Variants in SLC39A13 observed in about 807,000 individuals in gnomAD.
SLC39A13 encodes solute carrier family 39 member 13.
Under a neutral mutation model 38.7 loss-of-function variants are expected in SLC39A13, and 18 were observed. The ratio of observed to expected loss-of-function variants is 0.47; its 90% CI spans 0.32 to 0.69. The LOEUF is 0.69. Among genes scored for constraint, SLC39A13 ranks in the 30% least tolerant of loss-of-function variants. SLC39A13 has a pLI of 0.03. For missense variants in SLC39A13, 395 were observed against 490.7 expected (o/e 0.80, Z 1.84); for synonymous variants, 212 against 219.1 (o/e 0.97, Z 0.29).
chr11:47,410,491 T>C, intron 2 of SLC39A13, 96 bp downstream of exon 2: 4 of 1,456,354 alleles, frequency 2.7e-6, no homozygotes, highest in South Asian at 2.3e-5. Context: ...GTGTCTGAGA[T>C]GGAGGGAGAG....
Position 47,415,384 on chromosome 11 carries a change from C to G in SLC39A13, c.*21C>G. 1 of 1,612,798 alleles carries G rather than the reference C, an allele frequency of 6.2e-7. No homozygotes were observed. Among genetic ancestry groups the G allele is most frequent in the Non-Finnish European group, 8.5e-7 (1 of 1,179,188 alleles). On this transcript the variant is annotated 3_prime_UTR_variant, in exon 10 of 10. Transcript: ENST00000362021. Reference sequence around the variant, plus strand: ...ATTAACTTTCCCTGATGCCGACGCCCCTGCCCCCTGCAGCAATAAGATGCT... The same window carrying G: ...ATTAACTTTCCCTGATGCCGACGCCGCTGCCCCCTGCAGCAATAAGATGCT...
At position 47,413,509 on chromosome 11, in the gene SLC39A13, T is replaced by C; in HGVS notation, c.645+2T>C. 1.2e-6 allele frequency: 2 copies of C among 1,614,024 alleles called. No homozygotes were observed. The highest frequency in any genetic ancestry group is 1.7e-6 in the Non-Finnish European group (2 of 1,179,980). On this transcript the variant is annotated splice_donor_variant, in intron 5 of 9. Coordinates refer to ENST00000362021, the MANE Select transcript of SLC39A13 (RefSeq NM_001128225.3). LOFTEE classifies it high-confidence loss of function. ...GGTGCCGTGGTCCGGAGCATCAAAG[T>C]GAGTGGCCTGCTCAGGGCCCCTGCA...
intron 6 of SLC39A13, 58 bp downstream of exon 6, chr11:47,413,744 C>T (rs757039895): frequency 1.3e-6 from 2 of 1,567,886 alleles, no homozygotes; most frequent in African/African-American, 2.7e-5. Context: ...ATGTGGATTC[C>T]ACCTGTGTCT....
intron 4 of SLC39A13, 54 bp from the exon 5 acceptor site, chr11:47,413,346 C>CACAT (rs1327760021): frequency 1.3e-6 from 2 of 1,563,432 alleles, no homozygotes; most frequent in Admixed American, 1.7e-5. Context: ...TCTGTCTGCC[C>CACAT]TGGCTGAGTG....
rs755554 is a variant in SLC39A13, at chr11:47,410,483, G to C, written c.301+88G>C. ...CTTAGGAGACCCCAGGTCACAGAGTGTCTGAGATGGAGGGAGAGGATAGAA... is the reference window on the plus strand; with the variant it reads ...CTTAGGAGACCCCAGGTCACAGAGTCTCTGAGATGGAGGGAGAGGATAGAA... On this transcript the variant is annotated intron_variant, in intron 2 of 9. Coordinates refer to ENST00000362021, the MANE Select transcript of SLC39A13 (RefSeq NM_001128225.3). 0.67 allele frequency: 1,010,552 copies of C among 1,497,978 alleles called. 341,711 individuals are homozygous for C. The highest frequency in any genetic ancestry group is 0.72 in the South Asian group (63,469 of 88,570). The allele number at this position is 1,497,978 out of a possible 1,614,324, so 92.8% of individuals were successfully genotyped here. A position where few individuals can be genotyped will look rare whatever the true frequency, so the allele number is the denominator to read the frequency against.
chr11:47,409,829 A>C, intron 1 of SLC39A13: 2 of 450,714 alleles, frequency 4.4e-6, no homozygotes, highest in Admixed American at 3.8e-5. Flanking sequence ...TCATTAGGGA[A>C]AGTTTAGCCT....
rs200688736 is a variant in SLC39A13 at position 47,413,434 on chromosome 11, C to T, written c.572C>T (p.Ala191Val). ...AAAGACCCCACTGCTGCTGCCGCCGCGCTCAATGGAGGCCACTGTCTGGCC... is the reference window on the plus strand; with the variant it reads ...AAAGACCCCACTGCTGCTGCCGCCGTGCTCAATGGAGGCCACTGTCTGGCC... ...PNKDPTAAAA[A>V]LNGGHCLAQP... is the part of the protein sequence containing the mutation. The change falls in exon 5 of 10, where the codon GCG (alanine) becomes GTG (valine). Residue 191 changes from alanine to valine, a missense_variant. Ala to Val is a moderately conservative substitution (Grantham distance 64, BLOSUM62 0). Coordinates refer to ENST00000362021, the MANE Select transcript of SLC39A13 (RefSeq NM_001128225.3). 31 of 1,614,028 alleles carry T rather than the reference C, an allele frequency of 1.9e-5. No individual in the cohort carries two copies. The highest frequency in any genetic ancestry group is 1.6e-4 in the South Asian group (15 of 91,094).
chr11:47,411,851 T>C, intron 2 of SLC39A13, 75 bp from the exon 3 acceptor site: 1 of 1,423,688 alleles, frequency 7.0e-7, no homozygotes, highest in Non-Finnish European at 9.7e-7. Context: ...AAGAGCCCAG[T>C]GAGTGGGGTG....
At position 47,410,173 on chromosome 11, in the gene SLC39A13, T is replaced by C. The variant is rs541788508; in HGVS notation, c.79T>C (p.Leu27=). The C allele has an allele frequency of 6.2e-7, 1 of 1,613,554 alleles. No homozygotes were observed. Among genetic ancestry groups the C allele is most frequent in the African/African-American group, 1.3e-5 (1 of 75,046 alleles). The change falls in exon 2 of 10, where the codon TTG becomes CTG. Residue 27 remains leucine, a synonymous_variant. Transcript: ENST00000362021. The stretch of plus-strand genomic sequence containing the variant: ...CCTCACTGCCCTTGCCCTGGAGCTC[T>C]TGGAAAGGGCTGGGGGTTCCCAGCC... ...LFLTALALEL[L]ERAGGSQPAL... is the part of the protein sequence containing the mutation.
chr11:47,408,336 C>G (rs546045668), upstream of SLC39A13, among the ~76,000 whole-genome samples: 1 of 152,222 alleles, frequency 6.6e-6, no homozygotes, highest in South Asian at 2.1e-4. Context: ...CCTGCCCAGC[C>G]TGGCTGAGCG....
chr11:47,411,989 T>A lies in SLC39A13; in HGVS notation c.365T>A (p.Phe122Tyr). The change falls in exon 3 of 10, where the codon TTT becomes TAT. Residue 122 changes from phenylalanine (F) to tyrosine (Y), a missense_variant. By Grantham distance (22) the Phe-to-Tyr change is conservative. Coordinates refer to ENST00000362021, the MANE Select transcript of SLC39A13 (RefSeq NM_001128225.3). ...CTGGGGGGACTCTTGGGCAATGTGTTTCTGCATCTGCTGCCCGAAGCCTGG... is the reference window on the plus strand; with the variant it reads ...CTGGGGGGACTCTTGGGCAATGTGTATCTGCATCTGCTGCCCGAAGCCTGG... ...FALGGLLGNV[F>Y]LHLLPEAWAY... 1 of 1,613,892 alleles carries A rather than the reference T, an allele frequency of 6.2e-7. No homozygotes were observed.
chr11:47,410,217 GA>G lies in SLC39A13; in HGVS notation c.124del (p.Thr42LeufsTer19). ...CCCAGCCGGCCCTCCGGAGCCGGGG[GA>G]CTGCGACGGCCTGTCGCCTGGACAA... is the stretch of plus-strand genomic sequence containing the variant. ...GSQPALRSRG[T>X]ATACRLDNKE... On this transcript the variant is annotated frameshift_variant, in exon 2 of 10. Coordinates refer to ENST00000362021, the MANE Select transcript of SLC39A13 (RefSeq NM_001128225.3). LOFTEE classifies it high-confidence loss of function. The G allele has an allele frequency of 1.2e-6, 2 of 1,614,028 alleles. No homozygotes were observed. The highest frequency in any genetic ancestry group is 1.7e-6 in the Non-Finnish European group (2 of 1,180,018).
intron 6 of SLC39A13, chr11:47,414,203 G>A: frequency 4.8e-6 from 3 of 621,862 alleles, no homozygotes; most frequent in Middle Eastern, 3.8e-4. Flanking sequence ...TTCCTTCCCA[G>A]CGCCTGTGAG....
chr11:47,415,688 G>A lies in SLC39A13; in HGVS notation c.*325G>A, dbSNP rs2096024298. On this transcript the variant is annotated 3_prime_UTR_variant, in exon 10 of 10. Transcript: ENST00000362021. ...CGAGGAAGAGCAGCACTGGTCCCAA[G>A]CAGAGGCCTTGCCCTGCTGGGACCC... The A allele has an allele frequency of 2.3e-6, 1 of 441,284 alleles. No homozygotes were observed. Among genetic ancestry groups the A allele is most frequent in the Non-Finnish European group, 4.2e-6 (1 of 235,656 alleles). 27.3% of individuals were successfully genotyped at this position (441,284 alleles called of 1,614,324 possible). A position where few individuals can be genotyped will look rare whatever the true frequency, so the allele number is the denominator to read the frequency against.
chr11:47,415,737 T>TC lies in SLC39A13; in HGVS notation c.*376dup, dbSNP rs11404182. On this transcript the variant is annotated 3_prime_UTR_variant, in exon 10 of 10. Coordinates refer to ENST00000362021, the MANE Select transcript of SLC39A13 (RefSeq NM_001128225.3). ...CCCGGGAGTGAGAGCAGCCCAAGGA[T>TC]CCAGGGTGCAGGGAACTCCAGAGCT... 362,318 of 371,066 alleles carry TC rather than the reference T, an allele frequency of 0.98. 177,499 individuals are homozygous for TC. The highest frequency in any genetic ancestry group is 1 in the East Asian group (15,034 of 15,034). 23.0% of individuals were successfully genotyped at this position (371,066 alleles called of 1,614,324 possible). A position where few individuals can be genotyped will look rare whatever the true frequency, so the allele number is the denominator to read the frequency against.
chr11:47,411,954 C>A lies in SLC39A13; in HGVS notation c.330C>A (p.Leu110=). 1.3e-5 allele frequency: 21 copies of A among 1,613,886 alleles called. No individual in the cohort carries two copies. Among genetic ancestry groups the A allele is most frequent in the Non-Finnish European group, 1.6e-5 (19 of 1,179,962 alleles). Residue 110 remains leucine, a synonymous_variant, in exon 3 of 10, where the codon CTC becomes CTA. Transcript: ENST00000362021. The part of the protein sequence containing the change: ...EAGAWRLKQL[L]SFALGGLLGN... ...GGGCCTGGCGCCTGAAGCAGCTGCT[C>A]AGCTTCGCCCTGGGGGGACTCTTGG...
chr11:47,415,499 G>T lies in SLC39A13; in HGVS notation c.*136G>T. The T allele has an allele frequency of 1.0e-6, 1 of 953,456 alleles. No homozygotes were observed. The highest frequency in any genetic ancestry group is 1.7e-6 in the Non-Finnish European group (1 of 605,250). The allele number at this position is 953,456 out of a possible 1,614,324, so 59.1% of individuals were successfully genotyped here. A position where few individuals can be genotyped will look rare whatever the true frequency, so the allele number is the denominator to read the frequency against. ...GCCTCCCGCCAGACAGGAGGGAGGT[G>T]CGTGTGGATGTATGTGGTGTGCACA... is the stretch of plus-strand genomic sequence containing the variant. On this transcript the variant is annotated 3_prime_UTR_variant, in exon 10 of 10. Coordinates refer to ENST00000362021, the MANE Select transcript of SLC39A13 (RefSeq NM_001128225.3).
rs1197288608 is a variant in SLC39A13, at chr11:47,415,462, G to A, written c.*99G>A. 16 of 1,339,476 alleles carry A rather than the reference G, an allele frequency of 1.2e-5. No homozygotes were observed. The highest frequency in any genetic ancestry group is 8.7e-5 in the Admixed American group (5 of 57,340). 83.0% of individuals were successfully genotyped at this position (1,339,476 alleles called of 1,614,324 possible). On this transcript the variant is annotated 3_prime_UTR_variant, in exon 10 of 10. Transcript: ENST00000362021. ...AGAGGCAGAGAGGGCGAGTGGCTGC[G>A]AGAGAGAATGAGCCTCCCGCCAGAC...
chr11:47,410,034 C>T, intron 1 of SLC39A13, 53 bp from the exon 2 acceptor site: 1 of 1,604,414 alleles, frequency 6.2e-7, no homozygotes, highest in Non-Finnish European at 8.5e-7. Flanking sequence ...GTTTCCTAAG[C>T]AGGTGTGCGG....
Sources: allele counts gnomAD v4.1 joint callset (sites outside exome capture counted in the v4.1 genomes callset), GRCh38; gene constraint gnomAD v4.1.1; transcripts MANE v1.5; gene names NCBI Gene and HGNC (gene_info 2026-07-23, HGNC 2026-07-21).